Variants in KCNIP1 observed in about 807,000 individuals in gnomAD.
KCNIP1 encodes the protein potassium voltage-gated channel interacting protein 1.
KCNIP1 carries 18 observed loss-of-function variants against 33.0 expected under a neutral mutation model. That is an observed-to-expected ratio of 0.55 (90% CI 0.38 to 0.81). KCNIP1 has a LOEUF of 0.81. KCNIP1 is among the 30% of genes least tolerant of loss of function. KCNIP1 has a pLI of 0.00. For missense variants in KCNIP1, 238 were observed against 271.6 expected, an observed-to-expected ratio of 0.88 and a Z score of 0.87; for synonymous variants, 93 against 98.3, an observed-to-expected ratio of 0.95 and a Z score of 0.32.
chr5:170,468,186 G>A (rs150292609), intron 1 of KCNIP1, among the ~76,000 whole-genome samples: 31 of 152,156 alleles, frequency 2.0e-4, no homozygotes, highest in Non-Finnish European at 4.1e-4. Flanking sequence ...AAGCCTTGCC[G>A]TCTTTAGAAG....
rs192808508 is a variant in KCNIP1 at position 170,561,589 on chromosome 5, C to T, written c.61+56956C>T. Among the ~76,000 whole-genome samples, 379 of 152,338 alleles carry T rather than the reference C, an allele frequency of 2.5e-3. 2 individuals are homozygous for T. Among genetic ancestry groups the T allele is most frequent in the African/African-American group, 8.7e-3 (360 of 41,584 alleles). The stretch of plus-strand genomic sequence containing the variant: ...GCTTGTTTGTGCCTTGGCCCTTAGG[C>T]GCTATGTTTCTGCCTCTGTGGTTGA... On this transcript the variant is annotated intron_variant, in intron 1 of 7. Transcript: ENST00000328939.
intron 1 of KCNIP1, among the ~76,000 whole-genome samples, chr5:170,530,236 T>G (rs944504403): frequency 2.0e-5 from 3 of 152,218 alleles, no homozygotes; most frequent in Non-Finnish European, 4.4e-5. Flanking sequence ...CATGGAAGGT[T>G]GCTGAGACTC....
At chr5:170,730,306 C>T (rs1303973470) in intron 5 of KCNIP1, among the ~76,000 whole-genome samples, 1 of 152,160 alleles carries the variant, frequency 6.6e-6, no homozygotes, top group Non-Finnish European at 1.5e-5. Flanking sequence ...AGTGCCTACT[C>T]CCTTTTTGTA....
At chr5:170,420,818 C>A (rs963194509) in intron 1 of KCNIP1, among the ~76,000 whole-genome samples, 1 of 152,154 alleles carries the variant, frequency 6.6e-6, no homozygotes, top group South Asian at 2.1e-4. Flanking sequence ...CTTCTCCCCC[C>A]CAACCCCACT....
intron 1 of KCNIP1, among the ~76,000 whole-genome samples, chr5:170,714,888 GA>G (rs911580887): frequency 2.5e-4 from 38 of 151,108 alleles, no homozygotes; most frequent in African/African-American, 3.6e-4. Flanking sequence ...ATTTCTTATT[GA>G]AAAAAAAATT....
At chr5:170,444,259 C>T (rs1268135071) in intron 1 of KCNIP1, among the ~76,000 whole-genome samples, 1 of 152,140 alleles carries the variant, frequency 6.6e-6, no homozygotes, top group Non-Finnish European at 1.5e-5. Context: ...AAGCCTGTTT[C>T]CTTGCCTTTT....
chr5:170,447,357 C>A (rs1427573766), intron 1 of KCNIP1, among the ~76,000 whole-genome samples: 1 of 152,164 alleles, frequency 6.6e-6, no homozygotes, highest in Non-Finnish European at 1.5e-5. Flanking sequence ...ATGAAGCAGA[C>A]CCTACCTCTC....
At chr5:170,702,665 C>T (rs1347318783) in intron 1 of KCNIP1, among the ~76,000 whole-genome samples, 1 of 152,086 alleles carries the variant, frequency 6.6e-6, no homozygotes, top group East Asian at 1.9e-4. Context: ...CAAGAGTGGG[C>T]CCAGCAGAGA....
chr5:170,579,946 C>G lies in KCNIP1; in HGVS notation c.61+75313C>G, dbSNP rs1757731879. Among the ~76,000 whole-genome samples the G allele has an allele frequency of 2.0e-5, 3 of 151,626 alleles. No homozygotes were observed. In the South Asian group the frequency reaches 6.2e-4, roughly 32 times the overall value. ...TGCCTTAAATCAGCTCTTAAATGCC[C>G]TGGGATGAACAGCCCTAAATAGGAA... On this transcript the variant is annotated intron_variant, in intron 1 of 7. Coordinates refer to ENST00000328939, the MANE Select transcript of KCNIP1 (RefSeq NM_014592.4).
At chr5:170,520,999 G>C (rs186390236) in intron 1 of KCNIP1, among the ~76,000 whole-genome samples, 2 of 152,206 alleles carry the variant, frequency 1.3e-5, no homozygotes, top group African/African-American at 4.8e-5. Context: ...AATTGAGAAG[G>C]TATATGTGAA....
chr5:170,499,731 A>G (rs1757376206), upstream of KCNIP1, among the ~76,000 whole-genome samples: 1 of 152,166 alleles, frequency 6.6e-6, no homozygotes, highest in Non-Finnish European at 1.5e-5. Context: ...AAAGAGATAC[A>G]AAGAGGAAGA....
chr5:170,519,331 T>C (rs1055931055), intron 1 of KCNIP1, among the ~76,000 whole-genome samples: 3 of 152,148 alleles, frequency 2.0e-5, no homozygotes, highest in Non-Finnish European at 1.5e-5. Context: ...GAATGAGTCA[T>C]GTGGTGCCAG....
At chr5:170,454,436 A>G (rs1354593607) in intron 1 of KCNIP1, among the ~76,000 whole-genome samples, 2 of 152,222 alleles carry the variant, frequency 1.3e-5, no homozygotes, top group African/African-American at 4.8e-5. Context: ...TAAACCTGAA[A>G]CAAATTCCAA....
chr5:170,395,887 C>A (rs933427441), intron 1 of KCNIP1, among the ~76,000 whole-genome samples: 3 of 152,198 alleles, frequency 2.0e-5, no homozygotes, highest in Admixed American at 2.0e-4. Context: ...TCATTATCAT[C>A]TAAAATAGCT....
chr5:170,406,526 C>T (rs1755043256), intron 1 of KCNIP1, among the ~76,000 whole-genome samples: 2 of 152,160 alleles, frequency 1.3e-5, no homozygotes, highest in Non-Finnish European at 2.9e-5. Context: ...AATAATTACA[C>T]CTACTGAATT....
At chr5:170,618,847 T>C (rs1378891270) in intron 1 of KCNIP1, among the ~76,000 whole-genome samples, 2 of 152,164 alleles carry the variant, frequency 1.3e-5, no homozygotes, top group Non-Finnish European at 2.9e-5. Flanking sequence ...CTTACTTCAT[T>C]CTTTCCTTCT....
intron 1 of KCNIP1, among the ~76,000 whole-genome samples, chr5:170,409,646 A>T (rs1755128997): frequency 6.6e-6 from 1 of 152,054 alleles, no homozygotes; most frequent in South Asian, 2.1e-4. Flanking sequence ...CAAGATGACA[A>T]GGGGGGCCCA....
chr5:170,405,497 C>G (rs1333729943), intron 1 of KCNIP1, among the ~76,000 whole-genome samples: 1 of 152,202 alleles, frequency 6.6e-6, no homozygotes, highest in East Asian at 1.9e-4. Context: ...AGCCGTTGTG[C>G]CCAGCTGAGA....
At chr5:170,695,586 T>C (rs945181607) in intron 1 of KCNIP1, among the ~76,000 whole-genome samples, 3 of 152,242 alleles carry the variant, frequency 2.0e-5, no homozygotes, top group Non-Finnish European at 4.4e-5. Flanking sequence ...TTTCATTGTG[T>C]GACTATTTTA....
Sources: allele counts gnomAD v4.1 joint callset (sites outside exome capture counted in the v4.1 genomes callset), GRCh38; gene constraint gnomAD v4.1.1; transcripts MANE v1.5; gene names NCBI Gene and HGNC (gene_info 2026-07-23, HGNC 2026-07-21).